Variants in TMEM132B observed in about 807,000 individuals in gnomAD.
The protein encoded by TMEM132B is transmembrane protein 132B.
Under a neutral mutation model 90.8 loss-of-function variants are expected in TMEM132B, and 18 were observed. That is an observed-to-expected ratio of 0.20 (90% CI 0.14 to 0.29). The LOEUF is 0.29. Ranked by LOEUF, TMEM132B falls within the 10% of genes least tolerant of loss-of-function variation. The pLI is 1.00. For missense variants in TMEM132B, 1,096 were observed against 1,326.8 expected (o/e 0.83, Z 2.70); for synonymous variants, 504 against 523.3 (o/e 0.96, Z 0.50).
intron 3 of TMEM132B, among the ~76,000 whole-genome samples, chr12:125,438,489 CT>C (rs1880764667): frequency 6.6e-6 from 1 of 152,104 alleles, no homozygotes; most frequent in Admixed American, 6.5e-5. Context: ...AGTTGTTTTT[CT>C]TTTCTTTAAA....
intron 3 of TMEM132B, among the ~76,000 whole-genome samples, chr12:125,429,014 G>T (rs1183118802): frequency 6.6e-6 from 1 of 152,134 alleles, no homozygotes; most frequent in Non-Finnish European, 1.5e-5. Context: ...AGTGGTTATA[G>T]ATTTACAGAA....
At chr12:125,612,204 G>A (rs190610406) in intron 5 of TMEM132B, among the ~76,000 whole-genome samples, 18 of 152,146 alleles carry the variant, frequency 1.2e-4, no homozygotes, top group African/African-American at 3.6e-4. Flanking sequence ...GGCCAGGCAC[G>A]GTGGCTCACG....
At chr12:125,616,288 A>G (rs575384255) in intron 5 of TMEM132B, among the ~76,000 whole-genome samples, 2 of 152,118 alleles carry the variant, frequency 1.3e-5, no homozygotes, top group Admixed American at 1.3e-4. Context: ...TTATGGCTGC[A>G]TAGTATTCCA....
At chr12:125,288,471 A>C (rs1182492771) in intron 1 of TMEM132B, among the ~76,000 whole-genome samples, 1 of 147,784 alleles carries the variant, frequency 6.8e-6, no homozygotes, top group African/African-American at 2.5e-5. Context: ...TCAAAAAAAA[A>C]AAAAAAAAAA....
chr12:125,650,600 CT>C (rs1233485670), intron 6 of TMEM132B, 82 bp from the exon 7 acceptor site: 12 of 1,499,402 alleles, frequency 8.0e-6, no homozygotes, highest in Non-Finnish European at 9.9e-6. Flanking sequence ...ATTCTGTGGG[CT>C]CACCTAGAAT....
intron 3 of TMEM132B, among the ~76,000 whole-genome samples, chr12:125,517,018 C>T (rs1205786572): frequency 1.3e-4 from 20 of 152,322 alleles, no homozygotes; most frequent in Non-Finnish European, 7.3e-5. Flanking sequence ...GAGCTGAAAG[C>T]TCAGCCCTTC....
chr12:125,360,377 G>A (rs1004353604), intron 2 of TMEM132B, among the ~76,000 whole-genome samples: 3 of 152,184 alleles, frequency 2.0e-5, no homozygotes, highest in Non-Finnish European at 4.4e-5. Context: ...CCAAGAGACT[G>A]CTCCTAGACG....
intron 4 of TMEM132B, among the ~76,000 whole-genome samples, chr12:125,523,371 C>T (rs564010153): frequency 6.6e-5 from 10 of 152,196 alleles, no homozygotes; most frequent in South Asian, 6.2e-4. Context: ...CGTGGGTCCA[C>T]GTGACTCTCA....
chr12:125,391,216 C>A (rs925207998), intron 2 of TMEM132B, among the ~76,000 whole-genome samples: 31 of 152,146 alleles, frequency 2.0e-4, no homozygotes, highest in African/African-American at 7.0e-4. Context: ...TCACAGAGTG[C>A]CCTCAGGCTG....
In TMEM132B at chr12:125,428,569, C is replaced by T. The variant is rs117878489; in HGVS notation, c.1106+12892C>T. ...ATGAACCTTTGAGTGGTTGCCTCTG[C>T]CCCCAACCCTCCATCTTCCTTTTTC... On this transcript the variant is annotated intron_variant, in intron 3 of 8. Coordinates refer to ENST00000682704, the MANE Select transcript of TMEM132B (RefSeq NM_001366854.1). Among the ~76,000 whole-genome samples the T allele has an allele frequency of 7.6e-3, 1,151 of 152,218 alleles. 4 individuals are homozygous for T. The highest frequency in any genetic ancestry group is 0.013 in the Non-Finnish European group (895 of 68,002).
intron 4 of TMEM132B, among the ~76,000 whole-genome samples, chr12:125,582,271 AATTATTATT>A (rs3042320): frequency 0.064 from 9,387 of 145,786 alleles, 385 homozygotes; most frequent in African/African-American, 0.11. Context: ...AAGTTTTAGC[AATTATTATT>A]ATTATTATTA....
intron 1 of TMEM132B, among the ~76,000 whole-genome samples, chr12:125,330,336 T>TCTTTC (rs1408586070): frequency 2.9e-3 from 116 of 40,098 alleles, no homozygotes; most frequent in African/African-American, 0.022. Context: ...GGGGTTTCTT[T>TCTTTC]TTTTTTTTTT....
intron 1 of TMEM132B, among the ~76,000 whole-genome samples, chr12:125,187,483 AC>A (rs1957766916): frequency 6.6e-6 from 1 of 151,888 alleles, no homozygotes; most frequent in African/African-American, 2.4e-5. Flanking sequence ...AACGCGGTCT[AC>A]TCCAGCGCCC....
intron 5 of TMEM132B, among the ~76,000 whole-genome samples, chr12:125,605,293 A>T (rs929327): frequency 0.54 from 82,379 of 152,030 alleles, 24,355 homozygotes; most frequent in African/African-American, 0.78. Flanking sequence ...TTATATCGGG[A>T]CACATTCCCT....
At chr12:125,529,063 T>G (rs1221904174) in intron 4 of TMEM132B, among the ~76,000 whole-genome samples, 2 of 150,546 alleles carry the variant, frequency 1.3e-5, no homozygotes, top group African/African-American at 4.9e-5. Flanking sequence ...TTCCTCCTTG[T>G]TTCTTCTTCC....
At chr12:125,198,775 G>T (rs1872985329) in intron 1 of TMEM132B, among the ~76,000 whole-genome samples, 1 of 152,182 alleles carries the variant, frequency 6.6e-6, no homozygotes, top group African/African-American at 2.4e-5. Flanking sequence ...CAGGTCTGGA[G>T]AGCACTCACA....
intron 2 of TMEM132B, among the ~76,000 whole-genome samples, chr12:125,364,597 A>G (rs1408317385): frequency 2.0e-5 from 3 of 152,092 alleles, no homozygotes; most frequent in Admixed American, 6.5e-5. Context: ...ATTTATGGAG[A>G]ATTACCATTG....
At position 125,654,493 on chromosome 12, in the gene TMEM132B, A is replaced by C. The variant is rs1289931795; in HGVS notation, c.3035A>C (p.Lys1012Thr). 6.2e-7 allele frequency: 1 copy of C among 1,613,976 alleles called. No homozygotes were observed. The highest frequency in any genetic ancestry group is 1.1e-5 in the South Asian group (1 of 91,070). The change falls in exon 9 of 9, where the codon AAA (lysine) becomes ACA (threonine). Residue 1012 changes from lysine (K) to threonine (T), a missense_variant. By Grantham distance (78) the Lys-to-Thr change is moderately conservative. Coordinates refer to ENST00000682704, the MANE Select transcript of TMEM132B (RefSeq NM_001366854.1). The surrounding 1 kb of genome is among the most constrained non-coding windows in gnomAD (Gnocchi z 5.8). ...AGACCCTCTGACTATGTCTATGAGA[A>C]AGAAATTAAAAATGAACCTATGAAT... ...LLRPSDYVYE[K>T]EIKNEPMNSS...
rs746062293 is a variant in TMEM132B at position 125,654,399 on chromosome 12, C to T, written c.2941C>T (p.Leu981=). The change falls in exon 9 of 9, where the codon CTG becomes TTG. Residue 981 remains leucine (L), a synonymous_variant. Coordinates refer to ENST00000682704, the MANE Select transcript of TMEM132B (RefSeq NM_001366854.1). This position sits in a 1 kb window ranked among gnomAD's most constrained non-coding sequence, Gnocchi z 5.8. The part of the protein sequence containing the change: ...EECTTMIDRG[L]QFEERNFLLN... ...GTGCACAACCATGATAGACAGGGGC[C>T]TGCAGTTCGAGGAGAGGAACTTCCT... The T allele has an allele frequency of 1.2e-5, 19 of 1,613,270 alleles. No individual in the cohort carries two copies. Among genetic ancestry groups the T allele is most frequent in the Non-Finnish European group, 1.6e-5 (19 of 1,180,022 alleles).
Sources: allele counts gnomAD v4.1 joint callset (sites outside exome capture counted in the v4.1 genomes callset), GRCh38; gene constraint gnomAD v4.1.1; non-coding constraint Gnocchi (gnomAD v3.1); transcripts MANE v1.5; gene names NCBI Gene and HGNC (gene_info 2026-07-23, HGNC 2026-07-21).